The following NANOG variants were observed in gnomAD, a reference collection of about 807,000 sequenced individuals.
The protein encoded by NANOG is homeobox protein NANOG.
In NANOG, 2 loss-of-function variants were observed where a neutral mutation model predicts 17.7. That is an observed-to-expected ratio of 0.11 (90% CI 0.05 to 0.36). The LOEUF (loss-of-function observed/expected upper bound fraction) is 0.36, where lower values mean the gene tolerates loss of function less well. NANOG is among the 10% of genes least tolerant of loss of function. The pLI, the probability that NANOG is intolerant of heterozygous loss-of-function variation, is 1.00. For synonymous variants in NANOG, 81 were observed against 124.7 expected (o/e 0.65, Z 2.33); for missense variants, 174 against 362.1 (o/e 0.48, Z 4.22).
chr12:7,794,058 T>G (rs1327856747), intron 2 of NANOG, among the ~76,000 whole-genome samples: 1 of 152,150 alleles, frequency 6.6e-6, no homozygotes, highest in Non-Finnish European at 1.5e-5. Flanking sequence ...GCCTTTATTT[T>G]CTATCCAAAA....
chr12:7,789,811 AAG>A (rs745372880), intron 1 of NANOG, 46 bp downstream of exon 1: 18 of 1,587,144 alleles, frequency 1.1e-5, no homozygotes, highest in Admixed American at 3.3e-5. Flanking sequence ...CTTAAGGGAA[AAG>A]AGAGAAGGAG....
chr12:7,792,775 G>T (rs1197227567), intron 1 of NANOG, among the ~76,000 whole-genome samples, 175 bp from the exon 2 acceptor site: 3 of 152,130 alleles, frequency 2.0e-5, no homozygotes, highest in Non-Finnish European at 4.4e-5. Flanking sequence ...AGACTTCTTG[G>T]AGTAATACTA....
At chr12:7,790,557 A>G (rs981062719) in intron 1 of NANOG, among the ~76,000 whole-genome samples, 1 of 152,120 alleles carries the variant, frequency 6.6e-6, no homozygotes, top group Non-Finnish European at 1.5e-5. Context: ...TTGAAAATCA[A>G]TTTTTCAGTA....
rs12821806 is a variant in NANOG, at chr12:7,797,169, G to C, written c.*2074G>C. 100,745 of 151,648 alleles carry C rather than the reference G, an allele frequency of 0.66. 35,838 individuals are homozygous for C. The highest frequency in any genetic ancestry group is 0.8 in the Non-Finnish European group (54,186 of 68,054). 9.4% of individuals were successfully genotyped at this position (151,648 alleles called of 1,614,324 possible). A position where few individuals can be genotyped will look rare whatever the true frequency, so the allele number is the denominator to read the frequency against. On this transcript the variant is annotated 3_prime_UTR_variant, in exon 4 of 4. Transcript: ENST00000229307. ...TCCTGGGTTCGAGCAATTCTCCTGC[G>C]TCAGCCTCCTAAGTAGCTGGGATTA...
Position 7,794,320 on chromosome 12 carries a change from G to C in NANOG, c.415-137G>C, listed in dbSNP as rs1160717440. 2.8e-5 allele frequency: 21 copies of C among 758,328 alleles called. No individual in the cohort carries two copies. The African/African-American group carries it at 3.5e-4, about 13-fold the overall frequency. 47.0% of individuals were successfully genotyped at this position (758,328 alleles called of 1,614,324 possible). A position where few individuals can be genotyped will look rare whatever the true frequency, so the allele number is the denominator to read the frequency against. On this transcript the variant is annotated intron_variant, in intron 2 of 3. Coordinates refer to ENST00000229307, the MANE Select transcript of NANOG (RefSeq NM_024865.4). Reference sequence around the variant, plus strand: ...ACTCCTGGGCTCAAGCAATCTGCCCGCCTTGGCCTTCCAAAGTGTTGGGAT... The same window carrying C: ...ACTCCTGGGCTCAAGCAATCTGCCCCCCTTGGCCTTCCAAAGTGTTGGGAT...
At chr12:7,790,349 A>C (rs11055767) in intron 1 of NANOG, among the ~76,000 whole-genome samples, 128,440 of 152,162 alleles carry the variant, frequency 0.84, 54,334 homozygotes, top group South Asian at 0.91. Flanking sequence ...CCCATGTCTA[A>C]TTCTCCTAAG....
At chr12:7,792,182 A>C (rs1862850309) in intron 1 of NANOG, among the ~76,000 whole-genome samples, 1 of 152,214 alleles carries the variant, frequency 6.6e-6, no homozygotes. Flanking sequence ...GGCATGAGCC[A>C]TCCCACCTAG....
chr12:7,793,461 C>T (rs1862872056), intron 2 of NANOG, among the ~76,000 whole-genome samples: 1 of 152,116 alleles, frequency 6.6e-6, no homozygotes, highest in Non-Finnish European at 1.5e-5. Flanking sequence ...AAAATCTTTC[C>T]AACGTTTCCT....
intron 3 of NANOG, 63 bp downstream of exon 3, chr12:7,794,606 A>G (rs1438481730): frequency 1.2e-5 from 20 of 1,608,518 alleles, no homozygotes; most frequent in Non-Finnish European, 1.7e-5. Flanking sequence ...CCATCCCTGA[A>G]ACACACAACT....
At chr12:7,790,093 T>C (rs1017477773) in intron 1 of NANOG, among the ~76,000 whole-genome samples, 1 of 136,146 alleles carries the variant, frequency 7.3e-6, no homozygotes, top group Non-Finnish European at 1.6e-5. Context: ...AGGTGATGTG[T>C]ACATCTTCAC....
intron 1 of NANOG, among the ~76,000 whole-genome samples, chr12:7,791,093 ATTTCTTTCTTTC>A (rs1320803765): frequency 6.9e-6 from 1 of 144,326 alleles, no homozygotes; most frequent in Non-Finnish European, 1.5e-5. Flanking sequence ...TGCCTTTATA[ATTTCTTTCTTTC>A]TTTCTTTCTT....
intron 1 of NANOG, among the ~76,000 whole-genome samples, chr12:7,790,756 C>G (rs1040168343): frequency 6.6e-6 from 1 of 151,402 alleles, no homozygotes; most frequent in Non-Finnish European, 1.5e-5. Context: ...TGCTTTTCCT[C>G]TTTTTTAGAA....
intron 1 of NANOG, among the ~76,000 whole-genome samples, chr12:7,790,489 C>G (rs909152607): frequency 1.3e-5 from 2 of 152,158 alleles, no homozygotes; most frequent in African/African-American, 4.8e-5. Flanking sequence ...ATGCTTCTGA[C>G]TGGTAGCTGC....
intron 1 of NANOG, 70 bp downstream of exon 1, chr12:7,789,835 G>A: frequency 2.0e-6 from 3 of 1,480,656 alleles, no homozygotes; most frequent in Non-Finnish European, 2.8e-6. Flanking sequence ...GAGGGTTAAG[G>A]GATCATTTCC....
At chr12:7,792,686 C>T (rs780140861) in intron 1 of NANOG, among the ~76,000 whole-genome samples, 113 of 152,018 alleles carry the variant, frequency 7.4e-4, no homozygotes, top group African/African-American at 2.5e-3. Context: ...AAAGGGGTAG[C>T]GCCGCTCAGC....
At chr12:7,794,354 T>G in intron 2 of NANOG, 103 bp from the exon 3 acceptor site, 3 of 1,089,902 alleles carry the variant, frequency 2.8e-6, no homozygotes, top group East Asian at 2.6e-5. Context: ...ATTACAGGCA[T>G]GAGATATGGC....
chr12:7,793,589 G>A (rs908447657), intron 2 of NANOG, among the ~76,000 whole-genome samples: 4 of 151,978 alleles, frequency 2.6e-5, no homozygotes, highest in African/African-American at 7.3e-5. Flanking sequence ...AGCAACTCCA[G>A]CTTGTTTTGT....
At position 7,799,081 on chromosome 12, in the gene NANOG, T is replaced by C; in HGVS notation, c.*3986T>C. On this transcript the variant is annotated 3_prime_UTR_variant, in exon 4 of 4. Transcript: ENST00000229307. ...TGGTGGTGAGTCTCTCCTTAAGCTA[T>C]TCCTGGCTTCTGGGTAGTTGGTGTA... 1 of 152,098 alleles carries C rather than the reference T, an allele frequency of 6.6e-6. No homozygotes were observed. The allele number at this position is 152,098 out of a possible 1,614,324, so 9.4% of individuals were successfully genotyped here.
chr12:7,793,148 A>G lies in NANOG; in HGVS notation c.350A>G (p.Gln117Arg). The change falls in exon 2 of 4, where the codon CAG (glutamine) becomes CGG (arginine). Residue 117 changes from glutamine (Q) to arginine (R), a missense_variant. Gln to Arg is a conservative substitution (Grantham distance 43, BLOSUM62 1). Coordinates refer to ENST00000229307, the MANE Select transcript of NANOG (RefSeq NM_024865.4). The part of the protein sequence containing the change: ...LCVLNDRFQR[Q>R]KYLSLQQMQE... ...GTACTCAATGATAGATTTCAGAGACAGAAATACCTCAGCCTCCAGCAGATG... is the reference window on the plus strand; with the variant it reads ...GTACTCAATGATAGATTTCAGAGACGGAAATACCTCAGCCTCCAGCAGATG... 6.2e-7 allele frequency: 1 copy of G among 1,609,812 alleles called. No homozygotes were observed. Among genetic ancestry groups the G allele is most frequent in the East Asian group, 2.2e-5 (1 of 44,880 alleles).
Sources: allele counts gnomAD v4.1 joint callset (sites outside exome capture counted in the v4.1 genomes callset), GRCh38; gene constraint gnomAD v4.1.1; transcripts MANE v1.5; gene names NCBI Gene and HGNC (gene_info 2026-07-23, HGNC 2026-07-21).